Variants in KYAT3 observed in about 807,000 individuals in gnomAD.
KYAT3 encodes kynurenine aminotransferase 3.
KYAT3 carries 50 observed loss-of-function variants against 59.0 expected under a neutral mutation model. The ratio of observed to expected loss-of-function variants is 0.85; its 90% CI spans 0.68 to 1.07. KYAT3 has a LOEUF of 1.07. Ranked by LOEUF, KYAT3 falls within the 50% of genes least tolerant of loss-of-function variation. The pLI is 0.00. For missense variants in KYAT3, 497 were observed against 533.3 expected (o/e 0.93, Z 0.67); for synonymous variants, 148 against 177.0 (o/e 0.84, Z 1.30).
chr1:88,936,306 A>C, intron 13 of KYAT3, 61 bp from the exon 14 acceptor site: 1 of 1,153,446 alleles, frequency 8.7e-7, no homozygotes, highest in Non-Finnish European at 1.3e-6. Context: ...GATGAAGCAA[A>C]GATTTAAATA....
intron 2 of KYAT3, among the ~76,000 whole-genome samples, chr1:88,988,043 T>C (rs1157552357): frequency 3.9e-5 from 6 of 152,200 alleles, no homozygotes; most frequent in African/African-American, 2.4e-5. Flanking sequence ...AATGAATATA[T>C]AATGACCAGC....
At chr1:88,933,153 C>G (rs188143725), downstream of KYAT3, among the ~76,000 whole-genome samples, 584 of 152,274 alleles carry the variant, frequency 3.8e-3, 4 homozygotes, top group African/African-American at 0.014. Flanking sequence ...CAGTCATCCC[C>G]CTTTATTCTG....
At chr1:88,990,866 C>T (rs1677753961) in intron 1 of KYAT3, among the ~76,000 whole-genome samples, 3 of 152,132 alleles carry the variant, frequency 2.0e-5, no homozygotes, top group African/African-American at 7.2e-5. Flanking sequence ...TATATATATT[C>T]ACAAATGAGA....
intron 2 of KYAT3, chr1:88,981,282 G>C (rs1460592349): frequency 6.6e-6 from 1 of 152,102 alleles, no homozygotes; most frequent in Non-Finnish European, 1.5e-5. Flanking sequence ...TTACTGACAA[G>C]ACACTTCACC....
chr1:88,935,613 C>T (rs1392310897), downstream of KYAT3, among the ~76,000 whole-genome samples: 1 of 152,100 alleles, frequency 6.6e-6, no homozygotes, highest in East Asian at 1.9e-4. Flanking sequence ...GAAGCCACCG[C>T]AAATAACAGC....
rs552817226 is a variant in KYAT3, at chr1:88,940,670, C to G, written c.1302+2335G>C. ...ATTGGCTATCCCCAGTTTAATACATCTCTTCCGCATTGCTTCAACATAGCT... is the reference window on the plus strand; with the variant it reads ...ATTGGCTATCCCCAGTTTAATACATGTCTTCCGCATTGCTTCAACATAGCT... On this transcript the variant is annotated intron_variant, in intron 13 of 13. Coordinates refer to ENST00000260508, the MANE Select transcript of KYAT3 (RefSeq NM_001008661.3). Among the ~76,000 whole-genome samples, 6 of 152,330 alleles carry G rather than the reference C, an allele frequency of 3.9e-5. No individual in the cohort carries two copies. In the East Asian group the frequency reaches 9.6e-4, roughly 24 times the overall value.
At chr1:88,983,007 C>G (rs779772048) in intron 2 of KYAT3, 1 of 1,613,138 alleles carries the variant, frequency 6.2e-7, no homozygotes, top group Non-Finnish European at 8.5e-7. Context: ...CTTGGATGAT[C>G]TGAATAGTCA....
intron 9 of KYAT3, among the ~76,000 whole-genome samples, chr1:88,953,545 C>CAA (rs67537454): frequency 9.9e-6 from 1 of 100,898 alleles, no homozygotes; most frequent in African/African-American, 3.5e-5. Flanking sequence ...GACTCTATCT[C>CAA]AAAAAAAAAA....
In KYAT3 at chr1:88,988,366, A is replaced by C. The variant is rs1677592669; in HGVS notation, c.-1-15T>G. ...CCAAAAACATGCTATTAAATAAAAG[A>C]AAAATTGAGAAGAGGAATAAATATA... On this transcript the variant is annotated splice_polypyrimidine_tract_variant and intron_variant, in intron 1 of 13. Transcript: ENST00000260508. 5 of 1,511,100 alleles carry C rather than the reference A, an allele frequency of 3.3e-6. No homozygotes were observed. The African/African-American group carries it at 5.5e-5, about 17-fold the overall frequency. The allele number at this position is 1,511,100 out of a possible 1,614,324, so 93.6% of individuals were successfully genotyped here.
At chr1:88,982,187 G>A (rs1677124446) in intron 2 of KYAT3, 1 of 856,516 alleles carries the variant, frequency 1.2e-6, no homozygotes, top group Non-Finnish European at 1.4e-6. Context: ...TGAGAACAGT[G>A]AGATTTCAGT....
At chr1:88,949,893 T>C (rs1325923) in intron 10 of KYAT3, among the ~76,000 whole-genome samples, 70,114 of 152,030 alleles carry the variant, frequency 0.46, 16,324 homozygotes, top group Admixed American at 0.5. Context: ...TTGTTAAGTA[T>C]AGTGGACTGA....
the KYAT3 span, among the ~76,000 whole-genome samples, chr1:88,927,406 C>G: frequency 6.6e-6 from 1 of 152,168 alleles, no homozygotes; most frequent in Non-Finnish European, 1.5e-5. Flanking sequence ...AGCTAGACCT[C>G]TTTTGTAGAA....
chr1:88,951,281 C>T (rs550359195), intron 10 of KYAT3, among the ~76,000 whole-genome samples: 7 of 150,854 alleles, frequency 4.6e-5, no homozygotes, highest in African/African-American at 1.7e-4. Flanking sequence ...GTTGCCCAGG[C>T]TGGAGTGTAG....
chr1:88,992,153 T>C (rs1181233236), intron 1 of KYAT3, among the ~76,000 whole-genome samples: 1 of 152,122 alleles, frequency 6.6e-6, no homozygotes, highest in Non-Finnish European at 1.5e-5. Flanking sequence ...TAATTTTTTG[T>C]ATTTTTAGTA....
At chr1:88,948,487 G>T (rs1365462480) in intron 11 of KYAT3, among the ~76,000 whole-genome samples, 1 of 152,132 alleles carries the variant, frequency 6.6e-6, no homozygotes, top group African/African-American at 2.4e-5. Context: ...AAAAAACAAT[G>T]CTTTTTGGAA....
At chr1:88,962,719 A>C (rs1570802562) in intron 5 of KYAT3, among the ~76,000 whole-genome samples, 1 of 152,060 alleles carries the variant, frequency 6.6e-6, no homozygotes. Context: ...GGCTGGTCTC[A>C]AACTCCTAAC....
At position 88,974,723 on chromosome 1, in the gene KYAT3, AC is replaced by A. The variant is rs1250742143; in HGVS notation, c.100-5257del. Among the ~76,000 whole-genome samples, 5 of 152,030 alleles carry A rather than the reference AC, an allele frequency of 3.3e-5. 1 individual carries two copies. Among genetic ancestry groups the A allele is most frequent in the South Asian group, 4.2e-4 (2 of 4,810 alleles). On this transcript the variant is annotated intron_variant, in intron 2 of 13. Transcript: ENST00000260508. The stretch of plus-strand genomic sequence containing the variant: ...TGTCTAGCTAAAGGATTGTAAATGC[AC>A]CAATCAGCATTCAGTAAAAATGCAC...
intron 5 of KYAT3, among the ~76,000 whole-genome samples, chr1:88,963,040 C>T (rs1676209248): frequency 6.7e-6 from 1 of 149,956 alleles, no homozygotes; most frequent in Non-Finnish European, 1.5e-5. Context: ...TAGGTGCTGG[C>T]AGTAAAGCTA....
chr1:88,982,898 T>G, intron 2 of KYAT3: 1 of 1,614,006 alleles, frequency 6.2e-7, no homozygotes, highest in East Asian at 2.2e-5. Context: ...ATAATCATCA[T>G]AGCGACTGCT....
Sources: allele counts gnomAD v4.1 joint callset (sites outside exome capture counted in the v4.1 genomes callset), GRCh38; gene constraint gnomAD v4.1.1; transcripts MANE v1.5; gene names NCBI Gene and HGNC (gene_info 2026-07-23, HGNC 2026-07-21).